PBX1: variants seen among roughly 807,000 people sequenced by gnomAD.
The protein encoded by PBX1 is pre-B-cell leukemia transcription factor 1.
Under a neutral mutation model 53.4 loss-of-function variants are expected in PBX1, and 6 were observed. The ratio of observed to expected loss-of-function variants is 0.11; its 90% CI spans 0.06 to 0.22. The LOEUF is 0.22. PBX1 is among the 10% of genes least tolerant of loss of function. The pLI, the probability that PBX1 is intolerant of heterozygous loss-of-function variation, is 1.00. For synonymous variants in PBX1, 204 were observed against 212.3 expected, an observed-to-expected ratio of 0.96 and a Z score of 0.34; for missense variants, 251 against 551.4, an observed-to-expected ratio of 0.46 and a Z score of 5.46.
At chr1:164,592,810 G>A (rs1005115504) in intron 2 of PBX1, among the ~76,000 whole-genome samples, 2 of 152,118 alleles carry the variant, frequency 1.3e-5, no homozygotes, top group South Asian at 2.1e-4. Context: ...GCTCCCACGC[G>A]CTGGCCTTGC....
chr1:164,717,252 T>C (rs1476803646), intron 2 of PBX1, among the ~76,000 whole-genome samples: 1 of 152,158 alleles, frequency 6.6e-6, no homozygotes, highest in Non-Finnish European at 1.5e-5. Flanking sequence ...GGCATTGGCA[T>C]TAAGGTTCTT....
intron 2 of PBX1, among the ~76,000 whole-genome samples, chr1:164,599,441 A>G (rs150437982): frequency 1.8e-3 from 279 of 152,236 alleles, no homozygotes; most frequent in African/African-American, 6.5e-3. Flanking sequence ...TATTTTTTAC[A>G]GTATTCCCAT....
chr1:164,678,620 T>G (rs1348841220), intron 2 of PBX1, among the ~76,000 whole-genome samples: 1 of 152,176 alleles, frequency 6.6e-6, no homozygotes, highest in Non-Finnish European at 1.5e-5. Context: ...CCCACATCCC[T>G]GCAACAATTT....
At chr1:164,842,737 A>T (rs1303656254) in intron 8 of PBX1, among the ~76,000 whole-genome samples, 2 of 152,112 alleles carry the variant, frequency 1.3e-5, no homozygotes, top group Non-Finnish European at 2.9e-5. Context: ...TTAAAAGTGT[A>T]CCTTTGGTTT....
chr1:164,827,176 C>T (rs1170086327), intron 8 of PBX1, among the ~76,000 whole-genome samples: 1 of 152,184 alleles, frequency 6.6e-6, no homozygotes, highest in Non-Finnish European at 1.5e-5. Context: ...TCTGAGAGAC[C>T]TCCTTCCACT....
At position 164,848,679 on chromosome 1, in the gene PBX1, C is replaced by G; in HGVS notation, c.*2003C>G. 1 of 1,055,796 alleles carries G rather than the reference C, an allele frequency of 9.5e-7. No homozygotes were observed. The highest frequency in any genetic ancestry group is 1.1e-6 in the Non-Finnish European group (1 of 873,380). 65.4% of individuals were successfully genotyped at this position (1,055,796 alleles called of 1,614,324 possible). ...CTGGTTCCCTTAGTTTGCACTTGAA[C>G]CCAATATGTTGCCTTGTACATACTT... On this transcript the variant is annotated 3_prime_UTR_variant, in exon 9 of 9. Transcript: ENST00000420696.
intron 2 of PBX1, among the ~76,000 whole-genome samples, chr1:164,707,418 TGA>T (rs528876002): frequency 0.024 from 2,815 of 117,800 alleles, 84 homozygotes; most frequent in East Asian, 0.16. Flanking sequence ...TGTGTGTGTG[TGA>T]GAGAGAGAGA....
chr1:164,626,681 G>A (rs1301599661), intron 2 of PBX1, among the ~76,000 whole-genome samples: 1 of 152,192 alleles, frequency 6.6e-6, no homozygotes, highest in Non-Finnish European at 1.5e-5. Context: ...CTAGAAAACT[G>A]GAGTGTAGAG....
intron 2 of PBX1, among the ~76,000 whole-genome samples, chr1:164,732,509 C>G (rs1268957633): frequency 1.3e-5 from 2 of 152,120 alleles, no homozygotes; most frequent in African/African-American, 4.8e-5. Context: ...ATCCTTTAAT[C>G]TTGAACTTTC....
Position 164,820,079 on chromosome 1 carries a change from C to A in PBX1, c.1005C>A (p.Ser335=). Residue 335 remains serine (S), a synonymous_variant, in exon 7 of 9, where the codon TCC becomes TCA. Coordinates refer to ENST00000420696, the MANE Select transcript of PBX1 (RefSeq NM_002585.4). ...SPSTPNSAGS[S]SSFNMSNSGD... is the part of the protein sequence containing the mutation. ...TCACTCTTTCCTTTCCAGGTTCTTC[C>A]AGTTCTTTTAACATGTCAAACTCTG... The A allele has an allele frequency of 6.2e-7, 1 of 1,606,898 alleles. No individual in the cohort carries two copies. The highest frequency in any genetic ancestry group is 8.5e-7 in the Non-Finnish European group (1 of 1,174,186).
intron 2 of PBX1, among the ~76,000 whole-genome samples, chr1:164,696,903 T>G (rs2250142): frequency 6.6e-6 from 1 of 151,970 alleles, no homozygotes; most frequent in Non-Finnish European, 1.5e-5. Context: ...TGGACCAGAA[T>G]AAAATTATAG....
chr1:164,700,469 T>G (rs1663053561), intron 2 of PBX1: 13 of 985,344 alleles, frequency 1.3e-5, no homozygotes, highest in Non-Finnish European at 1.6e-5. Context: ...GTTACTTGAT[T>G]CTCTTAGTGG....
At chr1:164,615,377 A>G (rs1229581987) in intron 2 of PBX1, among the ~76,000 whole-genome samples, 2 of 152,080 alleles carry the variant, frequency 1.3e-5, no homozygotes, top group Non-Finnish European at 2.9e-5. Context: ...TCTAGGTTCA[A>G]TTTTCTAGCA....
chr1:164,682,071 G>A (rs1022851822), intron 2 of PBX1: 6 of 152,144 alleles, frequency 3.9e-5, no homozygotes, highest in African/African-American at 1.4e-4. Context: ...AATATGTCTT[G>A]TTAAAATGCC....
chr1:164,773,121 A>C (rs1194172429), intron 2 of PBX1: 1 of 152,134 alleles, frequency 6.6e-6, no homozygotes, highest in African/African-American at 2.4e-5. Flanking sequence ...ACAATTTTGA[A>C]TACTGTAATT....
At chr1:164,750,145 GGTGTGT>G (rs10665357) in intron 2 of PBX1, among the ~76,000 whole-genome samples, 1,569 of 140,826 alleles carry the variant, frequency 0.011, 12 homozygotes, top group African/African-American at 0.021. Context: ...GGGGCTAGTT[GGTGTGT>G]GTGTGTGTGT....
intron 2 of PBX1, among the ~76,000 whole-genome samples, chr1:164,687,503 G>C (rs899633092): frequency 1.4e-5 from 2 of 144,692 alleles, no homozygotes; most frequent in African/African-American, 5.1e-5. Context: ...GGTCGAGGCT[G>C]TAGCAAGTCA....
At chr1:164,658,376 G>A (rs896319844) in intron 2 of PBX1, among the ~76,000 whole-genome samples, 11 of 152,282 alleles carry the variant, frequency 7.2e-5, no homozygotes, top group South Asian at 2.1e-4. Context: ...TGCTGTGGTC[G>A]TAGGGATTTC....
intron 2 of PBX1, among the ~76,000 whole-genome samples, chr1:164,681,797 C>T (rs1275911047): frequency 6.6e-6 from 1 of 151,976 alleles, no homozygotes; most frequent in African/African-American, 2.4e-5. Flanking sequence ...ACCTGTATAA[C>T]AAACCTACAC....
Sources: gnomAD v4.1 joint callset for allele counts (sites outside exome capture counted in the v4.1 genomes callset) on GRCh38, gnomAD v4.1.1 for gene constraint, MANE v1.5 for transcripts, NCBI Gene and HGNC (gene_info 2026-07-23, HGNC 2026-07-21) for gene names.